Variants in TBC1D14 observed in about 807,000 individuals in gnomAD.
The protein encoded by TBC1D14 is TBC1 domain family, member 14.
Under a neutral mutation model 79.0 loss-of-function variants are expected in TBC1D14, and 26 were observed. The observed-to-expected ratio is 0.33, with a 90% CI of 0.24 to 0.46. TBC1D14 has a LOEUF of 0.46. TBC1D14 is among the 20% of genes least tolerant of loss of function. The pLI is 1.00. For missense variants in TBC1D14, 769 were observed against 887.6 expected, an observed-to-expected ratio of 0.87 and a Z score of 1.70; for synonymous variants, 394 against 349.9, an observed-to-expected ratio of 1.13 and a Z score of -1.40.
intron 1 of TBC1D14, among the ~76,000 whole-genome samples, chr4:6,915,964 A>G (rs1234937476): frequency 6.6e-6 from 1 of 151,974 alleles, no homozygotes; most frequent in African/African-American, 2.4e-5. Context: ...AAAAAAAAAA[A>G]AAATGCAAAA....
chr4:6,942,708 G>C (rs745661077), intron 2 of TBC1D14, among the ~76,000 whole-genome samples: 2 of 152,144 alleles, frequency 1.3e-5, no homozygotes, highest in Non-Finnish European at 2.9e-5. Context: ...AAAGGAGTGG[G>C]CTCTGCCTTC....
intron 3 of TBC1D14, among the ~76,000 whole-genome samples, chr4:6,970,008 C>T (rs1207492997): frequency 1.3e-5 from 2 of 152,150 alleles, no homozygotes; most frequent in African/African-American, 4.8e-5. Flanking sequence ...GGGGAGGCCT[C>T]TGCGCTGCTG....
At chr4:6,924,137 G>A in intron 2 of TBC1D14, 26 bp downstream of exon 2, 1 of 1,591,970 alleles carries the variant, frequency 6.3e-7, no homozygotes, top group Non-Finnish European at 8.6e-7. Flanking sequence ...CCCTCTAGAA[G>A]ATCGTGGTGG....
chr4:7,024,889 C>A, intron 12 of TBC1D14, 115 bp from the exon 13 acceptor site: 1 of 1,415,606 alleles, frequency 7.1e-7, no homozygotes, highest in Non-Finnish European at 9.7e-7. Flanking sequence ...CTGGCCCCAG[C>A]TGTTGCCTGA....
intron 3 of TBC1D14, among the ~76,000 whole-genome samples, chr4:6,986,498 C>T (rs1296309520): frequency 6.6e-6 from 1 of 152,218 alleles, no homozygotes; most frequent in Non-Finnish European, 1.5e-5. Context: ...TCACAGGCTT[C>T]CTCTGATGGA....
At chr4:6,928,231 G>A (rs1724438176) in intron 2 of TBC1D14, among the ~76,000 whole-genome samples, 1 of 152,210 alleles carries the variant, frequency 6.6e-6, no homozygotes, top group African/African-American at 2.4e-5. Context: ...GGAACAGCTT[G>A]TGGCAGGCTG....
At chr4:6,930,536 G>C (rs1325087549) in intron 2 of TBC1D14, among the ~76,000 whole-genome samples, 1 of 152,220 alleles carries the variant, frequency 6.6e-6, no homozygotes, top group Non-Finnish European at 1.5e-5. Context: ...AGTGGCTCAC[G>C]CCTGTAATCC....
intron 7 of TBC1D14, 175 bp downstream of exon 7, chr4:7,001,426 G>A (rs1270285705): frequency 6.8e-6 from 4 of 589,416 alleles, no homozygotes; most frequent in East Asian, 2.9e-5. Context: ...GTTTAGTGCT[G>A]TGCACTCCGG....
At chr4:6,935,989 G>T (rs1712286985) in intron 2 of TBC1D14, among the ~76,000 whole-genome samples, 1 of 152,150 alleles carries the variant, frequency 6.6e-6, no homozygotes, top group African/African-American at 2.4e-5. Flanking sequence ...TTAAAAAATA[G>T]ACTTTATTTT....
chr4:6,983,420 T>G (rs1717554334), intron 3 of TBC1D14, among the ~76,000 whole-genome samples: 1 of 152,158 alleles, frequency 6.6e-6, no homozygotes, highest in African/African-American at 2.4e-5. Flanking sequence ...AGAGGTGTGC[T>G]ACAAATTTTA....
At chr4:7,001,416 G>A in intron 7 of TBC1D14, 165 bp downstream of exon 7, 1 of 619,422 alleles carries the variant, frequency 1.6e-6, no homozygotes, top group Admixed American at 2.9e-5. Context: ...GGAGGCCTGG[G>A]TTTAGTGCTG....
intron 6 of TBC1D14, among the ~76,000 whole-genome samples, chr4:6,999,778 T>C (rs1719472370): frequency 6.6e-6 from 1 of 152,198 alleles, no homozygotes; most frequent in Non-Finnish European, 1.5e-5. Context: ...CCTGTGGTTC[T>C]GTGTGCACAC....
chr4:6,996,859 G>A (rs1277554475), intron 5 of TBC1D14, among the ~76,000 whole-genome samples: 2 of 152,228 alleles, frequency 1.3e-5, no homozygotes, highest in Non-Finnish European at 2.9e-5. Context: ...GTGTAAGATA[G>A]AAATACTAGA....
intron 13 of TBC1D14, among the ~76,000 whole-genome samples, chr4:7,027,347 A>G (rs918272894): frequency 1.1e-4 from 12 of 112,304 alleles, no homozygotes; most frequent in Non-Finnish European, 2.0e-4. Context: ...ACACACAATC[A>G]CCTCCACGCA....
At chr4:6,940,897 G>A (rs897497112) in intron 2 of TBC1D14, among the ~76,000 whole-genome samples, 2 of 152,126 alleles carry the variant, frequency 1.3e-5, no homozygotes. Context: ...ACCGCGTCCC[G>A]GCTTATGGCA....
intron 2 of TBC1D14, among the ~76,000 whole-genome samples, chr4:6,932,233 A>C (rs928645880): frequency 6.6e-6 from 1 of 151,898 alleles, no homozygotes; most frequent in Non-Finnish European, 1.5e-5. Context: ...GGTGGCATGC[A>C]CCTGTAATCC....
chr4:7,004,695 G>T (rs1720001992), intron 7 of TBC1D14, 149 bp from the exon 8 acceptor site: 1 of 638,692 alleles, frequency 1.6e-6, no homozygotes, highest in Non-Finnish European at 2.7e-6. Flanking sequence ...AGGCCAAGTT[G>T]GGGGGAATTG....
chr4:7,028,142 G>A (rs962076712), intron 13 of TBC1D14, among the ~76,000 whole-genome samples: 2 of 150,632 alleles, frequency 1.3e-5, no homozygotes, highest in Non-Finnish European at 1.5e-5. Context: ...ACACCCACAC[G>A]TACACATTAC....
chr4:6,967,204 T>C (rs1266593026), intron 2 of TBC1D14, 100 bp from the exon 3 acceptor site: 17 of 1,461,730 alleles, frequency 1.2e-5, no homozygotes, highest in Non-Finnish European at 1.4e-5. Flanking sequence ...TACGTGGTTC[T>C]CAGAGGAAAG....
Sources: gnomAD v4.1 joint callset for allele counts (sites outside exome capture counted in the v4.1 genomes callset) on GRCh38, gnomAD v4.1.1 for gene constraint, MANE v1.5 for transcripts, NCBI Gene and HGNC (gene_info 2026-07-23, HGNC 2026-07-21) for gene names.